Variants in NSUN6 observed in about 807,000 individuals in gnomAD.
The protein encoded by NSUN6 is tRNA (cytosine(72)-C(5))-methyltransferase NSUN6.
NSUN6 carries 64 observed loss-of-function variants against 58.0 expected under a neutral mutation model. The observed-to-expected ratio is 1.10, with a 90% CI of 0.90 to 1.36. The LOEUF (loss-of-function observed/expected upper bound fraction) is 1.36. Among genes scored for constraint, NSUN6 ranks in the 40% most tolerant of loss-of-function variants. The probability of loss-of-function intolerance (pLI) is 0.00; values close to 1 mark genes in which losing one functional copy is unlikely to be tolerated. For synonymous variants in NSUN6, 231 were observed against 193.9 expected (o/e 1.19, Z -1.59); for missense variants, 701 against 550.1 (o/e 1.27, Z -2.74).
intron 8 of NSUN6, among the ~76,000 whole-genome samples, chr10:18,552,307 T>C (rs749882294): frequency 5.9e-5 from 9 of 152,150 alleles, no homozygotes; most frequent in Non-Finnish European, 1.3e-4. Context: ...TGGAAATGGA[T>C]ACTTCTCTTG....
In NSUN6 at chr10:18,617,981, C is replaced by A. The variant is rs890287246; in HGVS notation, c.312-1688G>T. On this transcript the variant is annotated intron_variant, in intron 3 of 10. Transcript: ENST00000377304. ...ACACTACAAAAAACAAATTTATGTT[C>A]TTTATAAATTATCCAGTCTCAGGTA... 4.4e-4 allele frequency among the ~76,000 whole-genome samples: 67 copies of A among 152,160 alleles called. 1 individual carries two copies. The highest frequency in any genetic ancestry group is 4.4e-3 in the Admixed American group (67 of 15,276).
chr10:18,611,409 T>G (rs1475584444), intron 5 of NSUN6, among the ~76,000 whole-genome samples: 1 of 149,760 alleles, frequency 6.7e-6, no homozygotes, highest in Non-Finnish European at 1.5e-5. Flanking sequence ...TGGTGTGTAC[T>G]CTATCTAATG....
chr10:18,609,294 G>C (rs550917525), intron 6 of NSUN6, among the ~76,000 whole-genome samples: 2 of 152,162 alleles, frequency 1.3e-5, no homozygotes, highest in African/African-American at 4.8e-5. Flanking sequence ...CTAGACAACA[G>C]AGTGAGAGCC....
At chr10:18,559,298 G>GAATGGAATGA (rs1206506028) in intron 8 of NSUN6, among the ~76,000 whole-genome samples, 1 of 150,168 alleles carries the variant, frequency 6.7e-6, no homozygotes, top group Non-Finnish European at 1.5e-5. Flanking sequence ...ATGGAATGGA[G>GAATGGAATGA]AATGGAATGA....
rs758778360 is a variant in NSUN6, at chr10:18,548,206, A to T, written c.1103T>A (p.Leu368Gln). The part of the protein sequence containing the change: ...AVQLLKPEGV[L>Q]VYSTCTITLA... ...TGTTATAGTGCACGTGCTATAAACC[A>T]GCACACCCTCTGGCTTCAGCAGCTG... Residue 368 changes from leucine (L) to glutamine (Q), a missense_variant, in exon 10 of 11, where the codon CTG becomes CAG. Transcript: ENST00000377304. 1.2e-6 allele frequency: 2 copies of T among 1,613,324 alleles called. No homozygotes were observed. The highest frequency in any genetic ancestry group is 2.2e-5 in the South Asian group (2 of 90,980).
chr10:18,564,740 T>C (rs1300388505), intron 8 of NSUN6, among the ~76,000 whole-genome samples: 1 of 146,650 alleles, frequency 6.8e-6, no homozygotes, highest in Non-Finnish European at 1.5e-5. Flanking sequence ...TCCCTTCCAG[T>C]CTCCATTCCA....
intron 3 of NSUN6, among the ~76,000 whole-genome samples, chr10:18,628,498 A>G (rs2058908780): frequency 6.6e-6 from 1 of 152,172 alleles, no homozygotes; most frequent in Non-Finnish European, 1.5e-5. Context: ...TTGAAGTTGA[A>G]AACTTTGAAA....
At chr10:18,655,024 C>A (rs2059762765), upstream of NSUN6, 1 of 968,448 alleles carries the variant, frequency 1.0e-6, no homozygotes, top group Admixed American at 6.2e-5. Context: ...ATATACCTTA[C>A]CGAGAACTTC....
intron 3 of NSUN6, among the ~76,000 whole-genome samples, chr10:18,639,614 T>G (rs1386927106): frequency 1.3e-5 from 2 of 152,146 alleles, no homozygotes; most frequent in Admixed American, 1.3e-4. Context: ...GTGAATAATT[T>G]TTTCAGGCTT....
chr10:18,575,597 A>G (rs924224522), intron 8 of NSUN6, among the ~76,000 whole-genome samples: 1 of 152,188 alleles, frequency 6.6e-6, no homozygotes, highest in Non-Finnish European at 1.5e-5. Context: ...CCCTGGCACC[A>G]ACCCTCATCA....
At chr10:18,639,477 G>C (rs941760118) in intron 3 of NSUN6, among the ~76,000 whole-genome samples, 1 of 152,050 alleles carries the variant, frequency 6.6e-6, no homozygotes, top group African/African-American at 2.4e-5. Flanking sequence ...CGGGGTGACA[G>C]ACTTGAGACT....
At chr10:18,613,450 C>T (rs1003312574) in intron 5 of NSUN6, among the ~76,000 whole-genome samples, 7 of 152,082 alleles carry the variant, frequency 4.6e-5, no homozygotes, top group Non-Finnish European at 4.4e-5. Context: ...AAAAATTATT[C>T]AGAACATTGT....
Position 18,651,287 on chromosome 10 carries a change from C to T in NSUN6, c.-84G>A. ...TTTTTTCTTTCCGAATTAATAGTGA[C>T]GAGTGTCTTGACACCAGATGCTGAG... On this transcript the variant is annotated 5_prime_UTR_variant, in exon 1 of 11. Transcript: ENST00000377304. 6.8e-7 allele frequency: 1 copy of T among 1,462,324 alleles called. No individual in the cohort carries two copies. The highest frequency in any genetic ancestry group is 9.0e-7 in the Non-Finnish European group (1 of 1,114,054). The allele number at this position is 1,462,324 out of a possible 1,614,324, so 90.6% of individuals were successfully genotyped here. A position where few individuals can be genotyped will look rare whatever the true frequency, so the allele number is the denominator to read the frequency against.
intron 5 of NSUN6, among the ~76,000 whole-genome samples, chr10:18,610,205 C>T (rs1467720096): frequency 2.0e-5 from 3 of 151,942 alleles, no homozygotes; most frequent in African/African-American, 2.4e-5. Context: ...GTAGTGGTGA[C>T]AGGTGACAGG....
Position 18,597,488 on chromosome 10 carries a change from G to A in NSUN6, c.658-1161C>T, listed in dbSNP as rs562102394. Among the ~76,000 whole-genome samples the A allele has an allele frequency of 4.3e-4, 66 of 152,296 alleles. 1 individual carries two copies. The Middle Eastern group carries it at 0.01, about 24-fold the overall frequency. On this transcript the variant is annotated intron_variant, in intron 6 of 10. Coordinates refer to ENST00000377304, the MANE Select transcript of NSUN6 (RefSeq NM_182543.5). ...AGTACACCCTCAAGAACTGTGAGAT[G>A]GCCAGGAGTGCTGGTTCATGCCTGT...
At chr10:18,571,420 A>C (rs892465746) in intron 8 of NSUN6, among the ~76,000 whole-genome samples, 1 of 148,280 alleles carries the variant, frequency 6.7e-6, no homozygotes. Flanking sequence ...TCTCTATTCC[A>C]TTCCATTCTT....
intron 6 of NSUN6, among the ~76,000 whole-genome samples, chr10:18,603,196 G>T (rs7920997): frequency 3.3e-5 from 5 of 151,904 alleles, no homozygotes; most frequent in East Asian, 1.9e-4. Flanking sequence ...GGAAGGCTGA[G>T]GCATGAGAAT....
At chr10:18,568,866 T>C (rs1158241392) in intron 8 of NSUN6, among the ~76,000 whole-genome samples, 1 of 150,512 alleles carries the variant, frequency 6.6e-6, no homozygotes, top group Non-Finnish European at 1.5e-5. Context: ...TTCCTTTCTA[T>C]TCTCCACTCT....
intron 8 of NSUN6, among the ~76,000 whole-genome samples, chr10:18,554,366 A>G (rs2054827190): frequency 6.6e-6 from 1 of 151,456 alleles, no homozygotes; most frequent in Non-Finnish European, 1.5e-5. Context: ...GGAATGGAGA[A>G]TGAAATGGAA....
Sources: gnomAD v4.1 joint callset for allele counts (sites outside exome capture counted in the v4.1 genomes callset) on GRCh38, gnomAD v4.1.1 for gene constraint, MANE v1.5 for transcripts, NCBI Gene and HGNC (gene_info 2026-07-23, HGNC 2026-07-21) for gene names.